Variants in HEMK2 observed in about 807,000 individuals in gnomAD.
HEMK2 encodes the protein HemK methyltransferase 2, ETF1 glutamine and histone H4 lysine, also known as methyltransferase HEMK2.
the HEMK2 span, among the ~76,000 whole-genome samples, chr21:28,869,805 A>T: frequency 1.3e-5 from 2 of 152,246 alleles, no homozygotes; most frequent in African/African-American, 2.4e-5. Context: ...TGTCACTAAT[A>T]AAGAACTTGG....
At chr21:28,878,087 T>C in the HEMK2 span, 1 of 998,902 alleles carries the variant, frequency 1.0e-6, no homozygotes, top group Non-Finnish European at 1.4e-6. Flanking sequence ...CTGTTTTAAG[T>C]GATTCATTAA....
the HEMK2 span, among the ~76,000 whole-genome samples, chr21:28,625,522 C>T: frequency 1.3e-5 from 2 of 152,038 alleles, no homozygotes; most frequent in African/African-American, 4.8e-5. Context: ...GAGTTCGAGA[C>T]CAGCCTGACC....
At chr21:28,782,192 G>A in the HEMK2 span, among the ~76,000 whole-genome samples, 5 of 152,044 alleles carry the variant, frequency 3.3e-5, no homozygotes, top group African/African-American at 4.8e-5. Flanking sequence ...TTATTCCTTT[G>A]GTCATTTCCC....
At chr21:28,844,016 C>A in the HEMK2 span, among the ~76,000 whole-genome samples, 1 of 152,026 alleles carries the variant, frequency 6.6e-6, no homozygotes, top group Non-Finnish European at 1.5e-5. Context: ...TTTTAATAAT[C>A]TATTGCTTAT....
At chr21:28,792,730 A>G in the HEMK2 span, among the ~76,000 whole-genome samples, 1 of 152,172 alleles carries the variant, frequency 6.6e-6, no homozygotes, top group Non-Finnish European at 1.5e-5. Context: ...CTGCTCAGCA[A>G]CTGCTGAGCT....
chr21:28,578,016 A>G, the HEMK2 span, among the ~76,000 whole-genome samples: 3 of 152,196 alleles, frequency 2.0e-5, no homozygotes, highest in African/African-American at 7.2e-5. Context: ...TGATTGTATC[A>G]CACCCCTTCC....
chr21:28,837,593 T>A, the HEMK2 span, among the ~76,000 whole-genome samples: 1 of 151,920 alleles, frequency 6.6e-6, no homozygotes. Context: ...TCAAAAAGAC[T>A]GAAAGAGCAC....
the HEMK2 span, among the ~76,000 whole-genome samples, chr21:28,648,147 T>TG: frequency 6.6e-6 from 1 of 152,256 alleles, no homozygotes; most frequent in Non-Finnish European, 1.5e-5. Flanking sequence ...GTTAGGAACT[T>TG]GAAAAATTAT....
At chr21:28,654,916 T>C in the HEMK2 span, among the ~76,000 whole-genome samples, 1 of 152,106 alleles carries the variant, frequency 6.6e-6, no homozygotes, top group African/African-American at 2.4e-5. Flanking sequence ...TGAATATCTA[T>C]TTTGACCAGG....
chr21:28,881,322 T>A, the HEMK2 span, among the ~76,000 whole-genome samples: 1 of 152,214 alleles, frequency 6.6e-6, no homozygotes, highest in East Asian at 1.9e-4. Context: ...CTATGAGGCA[T>A]TTTGAAGCCA....
chr21:28,656,971 T>C, the HEMK2 span, among the ~76,000 whole-genome samples: 6 of 152,218 alleles, frequency 3.9e-5, no homozygotes, highest in East Asian at 1.2e-3. Flanking sequence ...GACAATTCTG[T>C]TTCATAGTAA....
the HEMK2 span, among the ~76,000 whole-genome samples, chr21:28,756,303 T>C: frequency 6.6e-6 from 1 of 152,314 alleles, no homozygotes; most frequent in African/African-American, 2.4e-5. Flanking sequence ...TCTTCCTCAC[T>C]GCACCTTCCT....
At chr21:28,576,326 T>C in the HEMK2 span, among the ~76,000 whole-genome samples, 4 of 152,198 alleles carry the variant, frequency 2.6e-5, no homozygotes, top group Admixed American at 2.6e-4. Flanking sequence ...ATACATTTCC[T>C]TGAATATTAA....
the HEMK2 span, among the ~76,000 whole-genome samples, chr21:28,599,858 A>G: frequency 1.3e-5 from 2 of 152,302 alleles, no homozygotes; most frequent in Admixed American, 1.3e-4. Flanking sequence ...GGCTACAGAG[A>G]CAGTGAAATC....
At chr21:28,856,018 T>C in the HEMK2 span, among the ~76,000 whole-genome samples, 2 of 152,208 alleles carry the variant, frequency 1.3e-5, no homozygotes, top group African/African-American at 4.8e-5. Flanking sequence ...TTTAAATACA[T>C]TGCAGATATT....
the HEMK2 span, among the ~76,000 whole-genome samples, chr21:28,616,854 G>A: frequency 2.0e-5 from 3 of 152,198 alleles, no homozygotes; most frequent in South Asian, 2.1e-4. Context: ...TCTAACCATC[G>A]TGGCAGGCAA....
the HEMK2 span, among the ~76,000 whole-genome samples, chr21:28,768,263 C>G: frequency 6.6e-6 from 1 of 152,198 alleles, no homozygotes; most frequent in Non-Finnish European, 1.5e-5. Context: ...CTCTACCTAA[C>G]CTAACTCTTG....
At chr21:28,581,063 T>C in the HEMK2 span, among the ~76,000 whole-genome samples, 1 of 152,088 alleles carries the variant, frequency 6.6e-6, no homozygotes, top group Admixed American at 6.6e-5. Flanking sequence ...CAGTAAAGGG[T>C]CAGTATCTTG....
the HEMK2 span, among the ~76,000 whole-genome samples, chr21:28,749,369 G>A: frequency 6.6e-6 from 1 of 152,132 alleles, no homozygotes; most frequent in Non-Finnish European, 1.5e-5. Context: ...AAGAACTTAT[G>A]TGGTAAATAC....
Sources: allele counts gnomAD v4.1 joint callset (sites outside exome capture counted in the v4.1 genomes callset), GRCh38; gene constraint gnomAD v4.1.1; transcripts MANE v1.5; gene names NCBI Gene and HGNC (gene_info 2026-07-23, HGNC 2026-07-21).